ITGA8: variants seen among roughly 807,000 people sequenced by gnomAD.
ITGA8 encodes integrin subunit alpha 8, also known as integrin alpha-8.
ITGA8 carries 91 observed loss-of-function variants against 142.3 expected under a neutral mutation model. The observed-to-expected ratio is 0.64, with a 90% CI of 0.54 to 0.76. ITGA8 has a LOEUF of 0.76. ITGA8 is among the 30% of genes least tolerant of loss of function. The probability of loss-of-function intolerance (pLI) is 0.00; values close to 1 mark genes in which losing one functional copy is unlikely to be tolerated. For synonymous variants in ITGA8, 505 were observed against 485.2 expected (o/e 1.04, Z -0.54); for missense variants, 1,406 against 1,327.7 (o/e 1.06, Z -0.92).
rs543367018 is a variant in ITGA8, at chr10:15,719,563, G to A, written c.209C>T (p.Thr70Ile). The A allele has an allele frequency of 2.6e-6, 4 of 1,560,690 alleles. No homozygotes were observed. The African/African-American group carries it at 4.2e-5, about 17-fold the overall frequency. Residue 70 changes from threonine (T) to isoleucine (I), a missense_variant and splice_region_variant, in exon 1 of 30, where the codon ACA becomes ATA. By Grantham distance (89) the Thr-to-Ile change is moderately conservative. Coordinates refer to ENST00000378076, the MANE Select transcript of ITGA8 (RefSeq NM_003638.3). Reference sequence around the variant, plus strand: ...CACCTCCCCGGGTCGGGCGACTTACGTGCGGGCGTCGGGTATGTGGAAGTC... The same window carrying A: ...CACCTCCCCGGGTCGGGCGACTTACATGCGGGCGTCGGGTATGTGGAAGTC... ...AVDFHIPDARTASVLVGAPKA... is the reference protein window; with the variant it reads ...AVDFHIPDARIASVLVGAPKA...
At chr10:15,636,208 T>A (rs1564384781) in intron 13 of ITGA8, among the ~76,000 whole-genome samples, 1 of 152,168 alleles carries the variant, frequency 6.6e-6, no homozygotes, top group Non-Finnish European at 1.5e-5. Flanking sequence ...CAATCACGTT[T>A]AATGGGATTA....
chr10:15,629,476 G>A (rs1833646043), intron 13 of ITGA8, among the ~76,000 whole-genome samples: 1 of 151,702 alleles, frequency 6.6e-6, no homozygotes, highest in Non-Finnish European at 1.5e-5. Context: ...TTTTTCCTCT[G>A]CCCCACTTGT....
chr10:15,595,477 T>C (rs941421120), intron 21 of ITGA8, among the ~76,000 whole-genome samples: 1 of 152,184 alleles, frequency 6.6e-6, no homozygotes, highest in African/African-American at 2.4e-5. Flanking sequence ...CAGAGATAAA[T>C]GAATATAAAC....
intron 22 of ITGA8, among the ~76,000 whole-genome samples, chr10:15,587,609 A>T (rs1481825982): frequency 2.0e-5 from 3 of 152,196 alleles, no homozygotes. Flanking sequence ...TTTAAATAAC[A>T]CACTTTTCAT....
chr10:15,613,546 A>G (rs1833338634), intron 15 of ITGA8, 114 bp downstream of exon 15: 1 of 770,268 alleles, frequency 1.3e-6, no homozygotes, highest in Admixed American at 2.3e-5. Context: ...TTTTTCGAGA[A>G]ATGCAAAATC....
At chr10:15,672,186 A>G (rs781141074) in intron 7 of ITGA8, among the ~76,000 whole-genome samples, 5 of 152,228 alleles carry the variant, frequency 3.3e-5, no homozygotes, top group Admixed American at 6.5e-5. Context: ...CAAGCAATCA[A>G]ATGGCCACTA....
Position 15,515,830 on chromosome 10 carries a change from T to A in ITGA8, c.*1328A>T, listed in dbSNP as rs1832954429. On this transcript the variant is annotated 3_prime_UTR_variant, in exon 30 of 30. Transcript: ENST00000378076. ...TACAAGAGTTTTAAACATAAAAAAT[T>A]TGTGATGGTTAAATTCAAGATGATG... is the stretch of plus-strand genomic sequence containing the variant. 1 of 152,068 alleles carries A rather than the reference T, an allele frequency of 6.6e-6. No individual in the cohort carries two copies. Among genetic ancestry groups the A allele is most frequent in the Non-Finnish European group, 1.5e-5 (1 of 68,012 alleles). The allele number at this position is 152,068 out of a possible 1,614,324, so 9.4% of individuals were successfully genotyped here. A position where few individuals can be genotyped will look rare whatever the true frequency, so the allele number is the denominator to read the frequency against.
At chr10:15,579,724 C>T (rs747504655) in intron 23 of ITGA8, among the ~76,000 whole-genome samples, 26 of 151,856 alleles carry the variant, frequency 1.7e-4, no homozygotes, top group Non-Finnish European at 3.2e-4. Context: ...AAAAATAAAA[C>T]ATCGAGATTA....
At chr10:15,597,752 A>G (rs1833033359) in intron 20 of ITGA8, among the ~76,000 whole-genome samples, 1 of 152,160 alleles carries the variant, frequency 6.6e-6, no homozygotes, top group Admixed American at 6.5e-5. Context: ...ACAAATTTCT[A>G]TACACCATGG....
intron 2 of ITGA8, among the ~76,000 whole-genome samples, chr10:15,704,818 G>A (rs1208038394): frequency 6.6e-6 from 1 of 152,140 alleles, no homozygotes; most frequent in Non-Finnish European, 1.5e-5. Flanking sequence ...TACAGGATAG[G>A]ATTGGGTTTC....
intron 13 of ITGA8, among the ~76,000 whole-genome samples, chr10:15,638,272 G>A (rs2131640484): frequency 6.6e-6 from 1 of 152,236 alleles, no homozygotes; most frequent in South Asian, 2.1e-4. Context: ...AGTCAGTTTG[G>A]AAGATGAAAC....
intron 27 of ITGA8, among the ~76,000 whole-genome samples, chr10:15,537,833 A>T (rs1314810160): frequency 1.3e-5 from 2 of 152,118 alleles, no homozygotes; most frequent in African/African-American, 4.8e-5. Context: ...AAAAGTAACA[A>T]TTGGCTGGGC....
At chr10:15,645,350 T>C (rs1344400053) in intron 12 of ITGA8, among the ~76,000 whole-genome samples, 1 of 152,058 alleles carries the variant, frequency 6.6e-6, no homozygotes, top group Non-Finnish European at 1.5e-5. Flanking sequence ...TTCTTTTATC[T>C]TTTAAAAATA....
chr10:15,659,934 C>T (rs933289386), intron 9 of ITGA8, among the ~76,000 whole-genome samples: 1 of 152,092 alleles, frequency 6.6e-6, no homozygotes, highest in Non-Finnish European at 1.5e-5. Flanking sequence ...AATTTGATGT[C>T]AGACTTCTGG....
intron 2 of ITGA8, among the ~76,000 whole-genome samples, chr10:15,714,980 C>A (rs1432752090): frequency 6.6e-6 from 1 of 152,208 alleles, no homozygotes; most frequent in Non-Finnish European, 1.5e-5. Context: ...AGGAAAGTCA[C>A]TGATGTCTTG....
chr10:15,600,792 G>T (rs907990666), intron 20 of ITGA8, among the ~76,000 whole-genome samples: 1 of 152,172 alleles, frequency 6.6e-6, no homozygotes, highest in Non-Finnish European at 1.5e-5. Flanking sequence ...CTGGATGAAG[G>T]TGGTGACAGT....
chr10:15,545,682 C>CT (rs1420192329), intron 27 of ITGA8, among the ~76,000 whole-genome samples: 1 of 21,410 alleles, frequency 4.7e-5, no homozygotes, highest in African/African-American at 6.5e-5. Context: ...CTTAGTTTGC[C>CT]TGTTTTTTTT....
intron 22 of ITGA8, 126 bp downstream of exon 22, chr10:15,592,099 G>A: frequency 3.5e-6 from 2 of 579,656 alleles, no homozygotes; most frequent in South Asian, 2.8e-5. Flanking sequence ...GAAATGGGCT[G>A]TGAAAGTCTG....
At chr10:15,601,275 G>T (rs1833100186) in intron 20 of ITGA8, among the ~76,000 whole-genome samples, 1 of 152,074 alleles carries the variant, frequency 6.6e-6, no homozygotes, top group East Asian at 1.9e-4. Flanking sequence ...AGGGAAGAGG[G>T]GTGTGAGTGG....
Sources: gnomAD v4.1 joint callset for allele counts (sites outside exome capture counted in the v4.1 genomes callset) on GRCh38, gnomAD v4.1.1 for gene constraint, MANE v1.5 for transcripts, NCBI Gene and HGNC (gene_info 2026-07-23, HGNC 2026-07-21) for gene names.